NDUFAF5: variants seen among roughly 807,000 people sequenced by gnomAD.
NDUFAF5 encodes arginine-hydroxylase NDUFAF5, mitochondrial.
Under a neutral mutation model 48.9 loss-of-function variants are expected in NDUFAF5, and 34 were observed. The ratio of observed to expected loss-of-function variants is 0.70; its 90% CI spans 0.53 to 0.93. The LOEUF (loss-of-function observed/expected upper bound fraction) is 0.93. NDUFAF5 is among the 40% of genes least tolerant of loss of function. The probability of loss-of-function intolerance (pLI) is 0.00; values close to 1 mark genes in which losing one functional copy is unlikely to be tolerated. For missense variants in NDUFAF5, 428 were observed against 427.5 expected (o/e 1.00, Z -0.01); for synonymous variants, 153 against 150.6 (o/e 1.02, Z -0.12).
At chr20:13,814,697 A>G (rs1189088978) in intron 8 of NDUFAF5, among the ~76,000 whole-genome samples, 1 of 152,152 alleles carries the variant, frequency 6.6e-6, no homozygotes, top group Non-Finnish European at 1.5e-5. Context: ...GGAAGTCCCA[A>G]AGTTTCAGTT....
At chr20:13,793,675 C>T (rs957009319) in intron 4 of NDUFAF5, among the ~76,000 whole-genome samples, 2 of 152,190 alleles carry the variant, frequency 1.3e-5, no homozygotes, top group Non-Finnish European at 2.9e-5. Context: ...TTCTCAATAA[C>T]CAACACTGCA....
intron 7 of NDUFAF5, among the ~76,000 whole-genome samples, chr20:13,802,497 C>T (rs1045486776): frequency 6.6e-6 from 1 of 151,898 alleles, no homozygotes; most frequent in Non-Finnish European, 1.5e-5. Flanking sequence ...AGTGAAACCC[C>T]GTCTCTACTA....
chr20:13,807,422 A>G (rs1463889364), intron 7 of NDUFAF5, among the ~76,000 whole-genome samples: 1 of 151,854 alleles, frequency 6.6e-6, no homozygotes. Context: ...TTTCAGATCC[A>G]CTTTTTTTTA....
At chr20:13,803,425 T>A (rs1458777202) in intron 7 of NDUFAF5, 1 of 152,258 alleles carries the variant, frequency 6.6e-6, no homozygotes, top group Non-Finnish European at 1.5e-5. Flanking sequence ...AATTGTACAC[T>A]GAAGGATCAT....
intron 7 of NDUFAF5, among the ~76,000 whole-genome samples, chr20:13,806,889 G>A (rs1390590670): frequency 6.6e-6 from 1 of 152,052 alleles, no homozygotes; most frequent in Admixed American, 6.5e-5. Flanking sequence ...AAAGTGAAAC[G>A]AAGTCTCCTC....
intron 1 of NDUFAF5, 60 bp downstream of exon 1, chr20:13,785,350 C>T: frequency 7.4e-7 from 1 of 1,355,764 alleles, no homozygotes; most frequent in Non-Finnish European, 1.0e-6. Flanking sequence ...TTTTCCTCTC[C>T]GCTAGTTCCG....
intron 3 of NDUFAF5, among the ~76,000 whole-genome samples, chr20:13,791,305 C>T (rs562222265): frequency 6.6e-6 from 1 of 152,288 alleles, no homozygotes; most frequent in South Asian, 2.1e-4. Flanking sequence ...TATACTCAGA[C>T]CTTGGGCCAA....
chr20:13,791,517 C>T (rs1217394996), intron 3 of NDUFAF5, among the ~76,000 whole-genome samples: 1 of 152,066 alleles, frequency 6.6e-6, no homozygotes, highest in African/African-American at 2.4e-5. Flanking sequence ...GAACCTTCTG[C>T]AATTGTACTT....
intron 8 of NDUFAF5, chr20:13,814,286 C>T (rs1008810241): frequency 4.9e-6 from 2 of 405,482 alleles, no homozygotes; most frequent in South Asian, 3.8e-5. Context: ...GGGAGACTTT[C>T]AGGTGTGCCA....
intron 6 of NDUFAF5, among the ~76,000 whole-genome samples, chr20:13,800,973 A>G (rs1211244999): frequency 6.6e-6 from 1 of 152,184 alleles, no homozygotes; most frequent in Non-Finnish European, 1.5e-5. Context: ...GGAAGCATGC[A>G]ACACATTTGA....
intron 8 of NDUFAF5, chr20:13,814,062 T>G (rs925315476): frequency 4.6e-6 from 1 of 217,734 alleles, no homozygotes. Context: ...TTAATCTGTT[T>G]GTTTGTTTTT....
In NDUFAF5 at chr20:13,817,223, T is replaced by C. The variant is rs1450560225; in HGVS notation, c.*13T>C. 3.0e-5 allele frequency: 47 copies of C among 1,587,064 alleles called. No individual in the cohort carries two copies. Among genetic ancestry groups the C allele is most frequent in the Admixed American group, 6.7e-5 (4 of 59,968 alleles). Reference sequence around the variant, plus strand: ...AAAATCACAATAAATATTTATTCAGTGTTAATGTCGTCCAGAATTTTCATC... The same window carrying C: ...AAAATCACAATAAATATTTATTCAGCGTTAATGTCGTCCAGAATTTTCATC... On this transcript the variant is annotated 3_prime_UTR_variant, in exon 11 of 11. Transcript: ENST00000378106.
intron 4 of NDUFAF5, 63 bp downstream of exon 4, chr20:13,793,290 C>G (rs1342139089): frequency 7.4e-7 from 1 of 1,347,592 alleles, no homozygotes; most frequent in Non-Finnish European, 1.1e-6. Flanking sequence ...TATTTTATTT[C>G]TTTATTTTTA....
intron 5 of NDUFAF5, among the ~76,000 whole-genome samples, chr20:13,797,625 G>T (rs193096193): frequency 6.6e-6 from 1 of 152,280 alleles, no homozygotes; most frequent in African/African-American, 2.4e-5. Context: ...TTTTAGGGCA[G>T]TAAAGCTACT....
intron 6 of NDUFAF5, among the ~76,000 whole-genome samples, chr20:13,801,047 A>G (rs1185711069): frequency 3.3e-5 from 5 of 152,184 alleles, no homozygotes; most frequent in Admixed American, 1.3e-4. Context: ...AGCGAGTCAC[A>G]AGGCCAGCCA....
intron 2 of NDUFAF5, 114 bp from the exon 3 acceptor site, chr20:13,788,475 G>T: frequency 1.3e-6 from 1 of 786,282 alleles, no homozygotes; most frequent in South Asian, 1.4e-5. Context: ...AAAGGCAGAT[G>T]ATGTAACCTT....
chr20:13,790,228 A>G (rs561428966), intron 3 of NDUFAF5, among the ~76,000 whole-genome samples: 43 of 152,356 alleles, frequency 2.8e-4, no homozygotes, highest in Non-Finnish European at 5.0e-4. Context: ...ACCCATGCAG[A>G]GCCAGCACAT....
In NDUFAF5 at chr20:13,786,405, A is replaced by C. The variant is rs1186667603; in HGVS notation, c.223-907A>C. Among the ~76,000 whole-genome samples, 1 of 152,228 alleles carries C rather than the reference A, an allele frequency of 6.6e-6. No individual in the cohort carries two copies. Among genetic ancestry groups the C allele is most frequent in the Non-Finnish European group, 1.5e-5 (1 of 68,032 alleles). ...GTGTACTTAGAAGATGTGCGCTCAT[A>C]GCCCTTTCCCTCCAAAGAAAGCACC... On this transcript the variant is annotated intron_variant, in intron 1 of 10. Transcript: ENST00000378106.
chr20:13,817,807 TCATCAGTTTATTGTTAA>T lies in NDUFAF5; in HGVS notation c.*598_*614del, dbSNP rs2147635304. 1 of 216,346 alleles carries T rather than the reference TCATCAGTTTATTGTTAA, an allele frequency of 4.6e-6. No individual in the cohort carries two copies. Among genetic ancestry groups the T allele is most frequent in the Non-Finnish European group, 1.1e-5 (1 of 92,078 alleles). 13.4% of individuals were successfully genotyped at this position (216,346 alleles called of 1,614,324 possible). ...ATCACATGTAACAGTCTCTGCACAGTCATCAGTTTATTGTTAAGCTTTCCTTTGTAATTTCAGGGCTT... is the reference window on the plus strand; with the variant it reads ...ATCACATGTAACAGTCTCTGCACAGTGCTTTCCTTTGTAATTTCAGGGCTT... On this transcript the variant is annotated 3_prime_UTR_variant, in exon 11 of 11. Transcript: ENST00000378106.
Sources: gnomAD v4.1 joint callset for allele counts (sites outside exome capture counted in the v4.1 genomes callset) on GRCh38, gnomAD v4.1.1 for gene constraint, MANE v1.5 for transcripts, NCBI Gene and HGNC (gene_info 2026-07-23, HGNC 2026-07-21) for gene names.